Variants in DMD observed in about 807,000 individuals in gnomAD.
DMD encodes dystrophin.
A neutral mutation model predicts 330.1 loss-of-function variants in DMD; 63 were observed. The observed-to-expected ratio is 0.19, with a 90% CI of 0.16 to 0.24. The LOEUF is 0.24. DMD is among the 10% of genes least tolerant of loss of function. DMD has a pLI of 1.00. For synonymous variants in DMD, 1,223 were observed against 959.8 expected, an observed-to-expected ratio of 1.27 and a Z score of -5.07; for missense variants, 3,344 against 2,684.1, an observed-to-expected ratio of 1.25 and a Z score of -5.43.
chrX:32,247,339 A>G (rs1027551816), intron 43 of DMD, among the ~76,000 whole-genome samples: 3 of 112,145 alleles, frequency 2.7e-5, no homozygotes, highest in African/African-American at 9.7e-5. Flanking sequence ...GCATGTATCT[A>G]GAATTTCTCT....
At chrX:31,708,426 A>G (rs958669346) in intron 52 of DMD, among the ~76,000 whole-genome samples, 11 of 111,938 alleles carry the variant, frequency 9.8e-5, no homozygotes, top group Non-Finnish European at 1.7e-4. Flanking sequence ...AAAGGAAAAA[A>G]ATCAAGTTCA....
At chrX:32,744,252 A>C (rs2069687704) in intron 7 of DMD, among the ~76,000 whole-genome samples, 1 of 109,269 alleles carries the variant, frequency 9.2e-6, no homozygotes, top group African/African-American at 3.3e-5. Flanking sequence ...CAAAACTTCC[A>C]ATTTGCCAAA....
intron 2 of DMD, among the ~76,000 whole-genome samples, chrX:32,869,342 C>T (rs954258940): frequency 2.9e-4 from 32 of 111,062 alleles, no homozygotes; most frequent in African/African-American, 9.5e-4. Context: ...AGTGCCTCTT[C>T]TCCTGCAAGT....
intron 39 of DMD, among the ~76,000 whole-genome samples, chrX:32,343,570 GCTAA>G (rs1416873223): frequency 9.0e-6 from 1 of 111,460 alleles, no homozygotes; most frequent in African/African-American, 3.3e-5. Flanking sequence ...CTCTTAATGA[GCTAA>G]CTGTTGTGTA....
chrX:32,573,487 T>A (rs1569228928), intron 15 of DMD, 43 bp downstream of exon 15: 2 of 998,843 alleles, frequency 2.0e-6, no homozygotes, highest in South Asian at 3.8e-5. Context: ...TAATATACAG[T>A]ACTGGGTTTT....
At chrX:32,343,543 T>C (rs1414983980) in intron 39 of DMD, among the ~76,000 whole-genome samples, 1 of 111,974 alleles carries the variant, frequency 8.9e-6, no homozygotes, top group Admixed American at 9.5e-5. Flanking sequence ...CTTAAAAATT[T>C]TGTCACATTC....
chrX:31,425,771 G>A (rs933390539), intron 60 of DMD, among the ~76,000 whole-genome samples: 1 of 103,458 alleles, frequency 9.7e-6, no homozygotes, highest in Non-Finnish European at 1.9e-5. Flanking sequence ...TGTTGTCTGC[G>A]GATATGTTGC....
chrX:31,168,367 A>T (rs2039642486), intron 74 of DMD, among the ~76,000 whole-genome samples: 1 of 111,514 alleles, frequency 9.0e-6, no homozygotes, highest in Non-Finnish European at 1.9e-5. Context: ...GGCAAGATGT[A>T]CAAGTAGAGT....
intron 33 of DMD, among the ~76,000 whole-genome samples, chrX:32,384,989 T>C (rs1421863150): frequency 9.0e-6 from 1 of 111,101 alleles, no homozygotes; most frequent in African/African-American, 3.3e-5. Context: ...CTCAAAGCAA[T>C]TTACAGACTT....
Position 31,161,537 on chromosome X carries a change from G to A in DMD, c.10553+7906C>T, listed in dbSNP as rs139780026. Among the ~76,000 whole-genome samples, 769 of 111,172 alleles carry A rather than the reference G, an allele frequency of 6.9e-3. 5 individuals carry two copies. Among genetic ancestry groups the A allele is most frequent in the African/African-American group, 0.024 (724 of 30,554 alleles). On this transcript the variant is annotated intron_variant, in intron 74 of 78. Transcript: ENST00000357033. The stretch of plus-strand genomic sequence containing the variant: ...TTCCTGGGTGCACTAGGTTGCTTTT[G>A]TTTGTTTTTCAATGATCATTTCCCA...
intron 2 of DMD, among the ~76,000 whole-genome samples, chrX:32,966,477 A>G (rs1346029009): frequency 8.9e-6 from 1 of 111,851 alleles, no homozygotes; most frequent in East Asian, 2.8e-4. Flanking sequence ...CTATGTATAC[A>G]TTTTAAAGAA....
chrX:32,569,736 G>C (rs1026069853), intron 15 of DMD, among the ~76,000 whole-genome samples: 1 of 111,150 alleles, frequency 9.0e-6, no homozygotes, highest in Non-Finnish European at 1.9e-5. Context: ...AGCCATTTGA[G>C]AATATCTTCA....
chrX:32,609,839 T>A (rs2057022987), intron 12 of DMD, among the ~76,000 whole-genome samples: 1 of 111,398 alleles, frequency 9.0e-6, no homozygotes, highest in Non-Finnish European at 1.9e-5. Context: ...TCTTTGTTGA[T>A]GCTGTCACCA....
At position 31,905,349 on chromosome X, in the gene DMD, A is replaced by G. The variant is rs186559698; in HGVS notation, c.6912+24247T>C. On this transcript the variant is annotated intron_variant, in intron 47 of 78. Coordinates refer to ENST00000357033, the MANE Select transcript of DMD (RefSeq NM_004006.3). ...TTGCTTTTAGGGAAAAGGATGCCTC[A>G]AAGTCACAAAACTTTTTAAACTTGG... Among the ~76,000 whole-genome samples the G allele has an allele frequency of 1.5e-3, 162 of 111,685 alleles. 1 individual carries two copies. The highest frequency in any genetic ancestry group is 5.0e-3 in the African/African-American group (153 of 30,834).
At chrX:32,315,930 A>T in intron 41 of DMD, among the ~76,000 whole-genome samples, 1 of 111,986 alleles carries the variant, frequency 8.9e-6, no homozygotes. Flanking sequence ...TAGATACCTA[A>T]GTGACAAATA....
intron 17 of DMD, among the ~76,000 whole-genome samples, chrX:32,522,215 T>G (rs2046498368): frequency 8.9e-6 from 1 of 112,026 alleles, no homozygotes; most frequent in African/African-American, 3.2e-5. Flanking sequence ...TATGTATGCT[T>G]CTTCCTGTCT....
chrX:32,624,380 G>T (rs757325883), intron 11 of DMD, among the ~76,000 whole-genome samples: 7 of 111,806 alleles, frequency 6.3e-5, no homozygotes, highest in Admixed American at 9.5e-5. Context: ...ACTTCCAATC[G>T]TTCAGATCAT....
chrX:31,406,382 C>T (rs929819486), intron 60 of DMD, among the ~76,000 whole-genome samples: 1 of 110,165 alleles, frequency 9.1e-6, no homozygotes, highest in Non-Finnish European at 1.9e-5. Context: ...ACCGTCAAAC[C>T]TAAAATAAAA....
intron 55 of DMD, among the ~76,000 whole-genome samples, chrX:31,586,873 C>A (rs758939818): frequency 8.9e-6 from 1 of 112,065 alleles, no homozygotes; most frequent in South Asian, 3.7e-4. Context: ...AGTAATGGTA[C>A]AATTTAGGAA....
Sources: allele counts gnomAD v4.1 joint callset (sites outside exome capture counted in the v4.1 genomes callset), GRCh38; gene constraint gnomAD v4.1.1; transcripts MANE v1.5; gene names NCBI Gene and HGNC (gene_info 2026-07-23, HGNC 2026-07-21).